SPATA13: variants seen among roughly 807,000 people sequenced by gnomAD.
SPATA13 encodes the protein spermatogenesis associated 13.
SPATA13 carries 50 observed loss-of-function variants against 104.0 expected under a neutral mutation model. The observed-to-expected ratio is 0.48, with a 90% CI of 0.38 to 0.61. SPATA13 has a LOEUF of 0.61. Ranked by LOEUF, SPATA13 falls within the 20% of genes least tolerant of loss-of-function variation. The pLI is 0.00. For synonymous variants in SPATA13, 606 were observed against 667.5 expected, an observed-to-expected ratio of 0.91 and a Z score of 1.42; for missense variants, 1,524 against 1,690.6, an observed-to-expected ratio of 0.90 and a Z score of 1.73.
chr13:24,163,110 G>T (rs753611442), intron 1 of SPATA13, among the ~76,000 whole-genome samples: 25 of 152,280 alleles, frequency 1.6e-4, no homozygotes, highest in Non-Finnish European at 1.6e-4. Context: ...GCATAAAAAT[G>T]ACCTGGCTGG....
At chr13:24,182,710 A>T (rs1868892260) in intron 1 of SPATA13, among the ~76,000 whole-genome samples, 1 of 152,182 alleles carries the variant, frequency 6.6e-6, no homozygotes, top group South Asian at 2.1e-4. Flanking sequence ...CATCTAGACC[A>T]TATCAATGGC....
intron 3 of SPATA13, among the ~76,000 whole-genome samples, chr13:24,059,047 C>CT (rs1220086450): frequency 1.3e-5 from 2 of 151,784 alleles, no homozygotes; most frequent in African/African-American, 4.8e-5. Flanking sequence ...TCTCCACTCA[C>CT]TACAAGCTCT....
At chr13:24,171,987 T>C (rs1249940572) in intron 1 of SPATA13, among the ~76,000 whole-genome samples, 2 of 152,162 alleles carry the variant, frequency 1.3e-5, no homozygotes. Context: ...CTCCGAATGA[T>C]GACATCTTGC....
At chr13:24,126,123 C>A (rs572170317) in intron 3 of SPATA13, among the ~76,000 whole-genome samples, 1 of 152,174 alleles carries the variant, frequency 6.6e-6, no homozygotes, top group African/African-American at 2.4e-5. Flanking sequence ...CACTCCCAGT[C>A]TGTTGCAAGA....
Position 24,247,478 on chromosome 13 carries a change from C to CTTTT in SPATA13, c.1654-1983_1654-1980dup, listed in dbSNP as rs10625714. On this transcript the variant is annotated intron_variant, in intron 2 of 12. Transcript: ENST00000382108. The stretch of plus-strand genomic sequence containing the variant: ...CACTGTGCTCTTTGCTCCACATTCA[C>CTTTT]TTTTTTTTTTTTTTTTTTTGAGACA... Among the ~76,000 whole-genome samples the CTTTT allele has an allele frequency of 7.3e-3, 632 of 87,102 alleles. 45 individuals are homozygous for CTTTT. The highest frequency in any genetic ancestry group is 0.025 in the African/African-American group (614 of 25,044). 57.1% of individuals were successfully genotyped at this position (87,102 alleles called of 152,430 possible). A position where few individuals can be genotyped will look rare whatever the true frequency, so the allele number is the denominator to read the frequency against.
intron 2 of SPATA13, among the ~76,000 whole-genome samples, chr13:24,241,502 C>T (rs1872829981): frequency 6.6e-6 from 1 of 152,240 alleles, no homozygotes; most frequent in South Asian, 2.1e-4. Flanking sequence ...TCCCTCCTGT[C>T]CTCCACTTTG....
At chr13:24,122,675 A>G in intron 3 of SPATA13, 4 of 1,047,666 alleles carry the variant, frequency 3.8e-6, no homozygotes, top group Non-Finnish European at 6.0e-6. Context: ...TGACAGACAG[A>G]AGTGTGTCTG....
intron 1 of SPATA13, among the ~76,000 whole-genome samples, chr13:24,206,229 A>C (rs1013957113): frequency 3.3e-5 from 5 of 152,164 alleles, no homozygotes; most frequent in African/African-American, 1.2e-4. Context: ...AATTTACAAG[A>C]AAAAAACAAC....
chr13:24,189,509 AT>A (rs1265183812), intron 1 of SPATA13, among the ~76,000 whole-genome samples: 1 of 138,338 alleles, frequency 7.2e-6, no homozygotes, highest in Non-Finnish European at 1.5e-5. Flanking sequence ...ATATATATAT[AT>A]AATATATTTA....
intron 4 of SPATA13, among the ~76,000 whole-genome samples, chr13:24,281,566 A>T (rs1875524556): frequency 1.3e-5 from 2 of 152,114 alleles, no homozygotes; most frequent in Non-Finnish European, 2.9e-5. Flanking sequence ...GCTGTCATGG[A>T]CGTAAGCAGC....
At chr13:24,050,979 G>A (rs557784120) in intron 3 of SPATA13, among the ~76,000 whole-genome samples, 1 of 152,292 alleles carries the variant, frequency 6.6e-6, no homozygotes, top group Non-Finnish European at 1.5e-5. Flanking sequence ...TTACCTGAGG[G>A]TTTTCCAGCT....
intron 3 of SPATA13, among the ~76,000 whole-genome samples, chr13:24,062,621 T>G (rs1283094157): frequency 6.6e-6 from 1 of 152,122 alleles, no homozygotes; most frequent in Non-Finnish European, 1.5e-5. Flanking sequence ...CTTATAGAAG[T>G]CGGGCTTCGG....
chr13:24,102,980 T>C (rs9553175), intron 3 of SPATA13, among the ~76,000 whole-genome samples: 122,948 of 151,830 alleles, frequency 0.81, 52,153 homozygotes, highest in Non-Finnish European at 0.94. Context: ...GACTCAACTT[T>C]ATTCCTTTGC....
At chr13:24,299,017 T>G (rs1405902481) in intron 11 of SPATA13, among the ~76,000 whole-genome samples, 1 of 152,084 alleles carries the variant, frequency 6.6e-6, no homozygotes, top group Non-Finnish European at 1.5e-5. Context: ...AGCCATAGAT[T>G]ATTGGTGCAG....
intron 3 of SPATA13, among the ~76,000 whole-genome samples, chr13:24,050,754 G>A (rs1878309998): frequency 6.6e-6 from 1 of 152,190 alleles, no homozygotes; most frequent in Admixed American, 6.5e-5. Flanking sequence ...TGACGAGCAT[G>A]GTCTGTGACT....
At chr13:24,039,518 A>G (rs1877834705) in intron 3 of SPATA13, among the ~76,000 whole-genome samples, 1 of 152,122 alleles carries the variant, frequency 6.6e-6, no homozygotes, top group African/African-American at 2.4e-5. Flanking sequence ...AAGCGCTTTG[A>G]CTTATTTAGG....
intron 7 of SPATA13, 88 bp downstream of exon 7, chr13:24,287,038 C>A (rs1876007534): frequency 1.7e-6 from 2 of 1,169,462 alleles, no homozygotes; most frequent in East Asian, 2.6e-5. Flanking sequence ...CACCCCCCGC[C>A]CCCCCATCAG....
At chr13:24,129,200 G>A (rs888975062) in intron 3 of SPATA13, among the ~76,000 whole-genome samples, 4 of 152,230 alleles carry the variant, frequency 2.6e-5, no homozygotes, top group Non-Finnish European at 4.4e-5. Flanking sequence ...TGCTAGTGTC[G>A]GGTGGGTTTC....
At chr13:24,226,522 T>A (rs1359593901) in intron 2 of SPATA13, among the ~76,000 whole-genome samples, 1 of 152,190 alleles carries the variant, frequency 6.6e-6, no homozygotes, top group African/African-American at 2.4e-5. Flanking sequence ...TAATTTTCAC[T>A]TTATAAACAC....
Sources: gnomAD v4.1 joint callset for allele counts (sites outside exome capture counted in the v4.1 genomes callset) on GRCh38, gnomAD v4.1.1 for gene constraint, MANE v1.5 for transcripts, NCBI Gene and HGNC (gene_info 2026-07-23, HGNC 2026-07-21) for gene names.